Variants in GEMIN2 observed in about 807,000 individuals in gnomAD.
GEMIN2 encodes the protein gem-associated protein 2.
GEMIN2 carries 37 observed loss-of-function variants against 45.8 expected under a neutral mutation model. The ratio of observed to expected loss-of-function variants is 0.81; its 90% CI spans 0.62 to 1.06. The LOEUF (loss-of-function observed/expected upper bound fraction) is 1.06, where lower values mean the gene tolerates loss of function less well. Among genes scored for constraint, GEMIN2 ranks in the 50% least tolerant of loss-of-function variants. GEMIN2 has a pLI of 0.00. For missense variants in GEMIN2, 335 were observed against 321.8 expected, an observed-to-expected ratio of 1.04 and a Z score of -0.31; for synonymous variants, 101 against 111.5, an observed-to-expected ratio of 0.91 and a Z score of 0.60.
At chr14:39,120,846 C>T (rs1332770338) in intron 4 of GEMIN2, among the ~76,000 whole-genome samples, 1 of 152,036 alleles carries the variant, frequency 6.6e-6, no homozygotes, top group East Asian at 1.9e-4. Context: ...AGGCTAGTCT[C>T]GAACTCCTGA....
At chr14:39,123,802 C>CTTCAACCT (rs2052608207) in intron 5 of GEMIN2, among the ~76,000 whole-genome samples, 1 of 135,918 alleles carries the variant, frequency 7.4e-6, no homozygotes, top group South Asian at 2.4e-4. Context: ...CTCATTACAG[C>CTTCAACCT]TTCAACCTCC....
At chr14:39,115,005 C>A in intron 2 of GEMIN2, 92 bp downstream of exon 2, 2 of 709,346 alleles carry the variant, frequency 2.8e-6, no homozygotes, top group Non-Finnish European at 5.1e-6. Flanking sequence ...TCAATTATGA[C>A]GTAAGATTTG....
chr14:39,131,540 A>G (rs1308553017), intron 7 of GEMIN2, among the ~76,000 whole-genome samples: 1 of 152,200 alleles, frequency 6.6e-6, no homozygotes, highest in African/African-American at 2.4e-5. Flanking sequence ...CATCTGTAGT[A>G]TAGTTTCTTT....
At chr14:39,131,589 G>A (rs2052716295) in intron 7 of GEMIN2, among the ~76,000 whole-genome samples, 1 of 152,226 alleles carries the variant, frequency 6.6e-6, no homozygotes, top group Admixed American at 6.5e-5. Context: ...ATTATAAAAT[G>A]ATTTCTATAT....
chr14:39,132,664 C>CA (rs2052732267), intron 8 of GEMIN2, among the ~76,000 whole-genome samples: 1 of 62,734 alleles, frequency 1.6e-5, no homozygotes, highest in Non-Finnish European at 3.0e-5. Flanking sequence ...TAGCTTCAGC[C>CA]TTTTTTTTTT....
intron 9 of GEMIN2, 65 bp from the exon 10 acceptor site, chr14:39,136,375 G>C: frequency 1.2e-6 from 1 of 833,198 alleles, no homozygotes; most frequent in Non-Finnish European, 2.1e-6. Flanking sequence ...TATGGTCTTT[G>C]GCTATTAAAA....
chr14:39,122,781 T>A, intron 5 of GEMIN2: 1 of 337,926 alleles, frequency 3.0e-6, no homozygotes. Flanking sequence ...TGATAGAAAA[T>A]GTTTGCCAAC....
intron 6 of GEMIN2, among the ~76,000 whole-genome samples, chr14:39,126,691 C>T (rs1481444686): frequency 6.6e-6 from 1 of 152,184 alleles, no homozygotes; most frequent in South Asian, 2.1e-4. Flanking sequence ...TTTTTCTCCA[C>T]CTAAATTTTT....
intron 5 of GEMIN2, among the ~76,000 whole-genome samples, chr14:39,123,706 A>AT (rs1566532871): frequency 2.0e-4 from 9 of 43,976 alleles, no homozygotes; most frequent in African/African-American, 7.8e-4. Flanking sequence ...ATATATATAT[A>AT]TATTTTTTTT....
chr14:39,121,015 C>A (rs2052566940), intron 4 of GEMIN2, among the ~76,000 whole-genome samples: 2 of 152,190 alleles, frequency 1.3e-5, no homozygotes, highest in South Asian at 4.1e-4. Flanking sequence ...AGTCCTGCGT[C>A]CTGCTTTTTC....
At chr14:39,135,479 G>A (rs891034502) in intron 9 of GEMIN2, among the ~76,000 whole-genome samples, 3 of 152,084 alleles carry the variant, frequency 2.0e-5, no homozygotes, top group African/African-American at 2.4e-5. Context: ...CCAGCTACTC[G>A]GGATGGTGAG....
At chr14:39,119,496 C>T (rs576812232) in intron 4 of GEMIN2, among the ~76,000 whole-genome samples, 1 of 152,288 alleles carries the variant, frequency 6.6e-6, no homozygotes, top group South Asian at 2.1e-4. Context: ...TAGTTTTTAA[C>T]CTTTTAGGGG....
intron 8 of GEMIN2, 152 bp from the exon 9 acceptor site, chr14:39,133,509 C>A (rs2052746933): frequency 5.1e-6 from 2 of 395,720 alleles, no homozygotes; most frequent in Non-Finnish European, 8.9e-6. Flanking sequence ...CTCTACAGTT[C>A]TCTGCTTTTT....
chr14:39,116,140 C>G (rs946061724), intron 2 of GEMIN2, among the ~76,000 whole-genome samples: 1 of 150,934 alleles, frequency 6.6e-6, no homozygotes, highest in African/African-American at 2.4e-5. Context: ...GGTTCAAGAG[C>G]TTCTCTTGCC....
chr14:39,132,496 A>C (rs1594520913), intron 8 of GEMIN2, among the ~76,000 whole-genome samples: 1 of 151,892 alleles, frequency 6.6e-6, no homozygotes, highest in East Asian at 1.9e-4. Context: ...GCACCACTGC[A>C]CTCCTGCCTG....
At chr14:39,120,136 G>A (rs1328181207) in intron 4 of GEMIN2, among the ~76,000 whole-genome samples, 1 of 152,172 alleles carries the variant, frequency 6.6e-6, no homozygotes, top group Non-Finnish European at 1.5e-5. Context: ...TAACATAATT[G>A]ATTCAATAAA....
intron 2 of GEMIN2, among the ~76,000 whole-genome samples, chr14:39,116,015 G>A (rs79223266): frequency 0.015 from 2,206 of 151,976 alleles, 61 homozygotes; most frequent in African/African-American, 0.05. Context: ...CAGAACTACT[G>A]TAGAGGAATC....
At chr14:39,129,870 A>G (rs139281226) in intron 7 of GEMIN2, among the ~76,000 whole-genome samples, 1 of 151,602 alleles carries the variant, frequency 6.6e-6, no homozygotes, top group East Asian at 1.9e-4. Context: ...AAAAAAGTCA[A>G]TGAAAGAGTT....
At chr14:39,118,780 A>AT (rs373341724) in intron 4 of GEMIN2, among the ~76,000 whole-genome samples, 181 bp downstream of exon 4, 9,603 of 138,726 alleles carry the variant, frequency 0.069, 376 homozygotes, top group African/African-American at 0.083. Flanking sequence ...TTCATGACAA[A>AT]TTTTTTTTTT....
Sources: gnomAD v4.1 joint callset for allele counts (sites outside exome capture counted in the v4.1 genomes callset) on GRCh38, gnomAD v4.1.1 for gene constraint, MANE v1.5 for transcripts, NCBI Gene and HGNC (gene_info 2026-07-23, HGNC 2026-07-21) for gene names.